TOX: variants seen among roughly 807,000 people sequenced by gnomAD.
The protein encoded by TOX is thymocyte selection-associated high mobility group box protein TOX.
Under a neutral mutation model 53.7 loss-of-function variants are expected in TOX, and 11 were observed. The ratio of observed to expected loss-of-function variants is 0.20; its 90% CI spans 0.13 to 0.34. The LOEUF (loss-of-function observed/expected upper bound fraction) is 0.34, where lower values mean the gene tolerates loss of function less well. Ranked by LOEUF, TOX falls within the 10% of genes least tolerant of loss-of-function variation. The pLI is 1.00. For synonymous variants in TOX, 225 were observed against 245.3 expected (o/e 0.92, Z 0.77); for missense variants, 570 against 664.6 (o/e 0.86, Z 1.56).
chr8:58,939,433 G>A lies in TOX; in HGVS notation c.280C>T (p.His94Tyr), dbSNP rs1192714618. Residue 94 changes from histidine to tyrosine, a missense_variant, in exon 3 of 9, where the codon CAT (histidine) becomes TAT (tyrosine). Coordinates refer to ENST00000361421, the MANE Select transcript of TOX (RefSeq NM_014729.3). ...VHLNEVESGY[H>Y]SLCHPMNHNG... ...TGGTTCATGGGGTGACACAGAGAATGGTAACCAGACTCAACTTCATTCAGG... is the reference window on the plus strand; with the variant it reads ...TGGTTCATGGGGTGACACAGAGAATAGTAACCAGACTCAACTTCATTCAGG... 2 of 1,614,156 alleles carry A rather than the reference G, an allele frequency of 1.2e-6. No individual in the cohort carries two copies. Among genetic ancestry groups the A allele is most frequent in the Admixed American group, 1.7e-5 (1 of 60,024 alleles).
At chr8:58,965,005 C>A (rs561402427) in intron 1 of TOX, among the ~76,000 whole-genome samples, 1 of 152,002 alleles carries the variant, frequency 6.6e-6, no homozygotes, top group Non-Finnish European at 1.5e-5. Flanking sequence ...GCAATAAAAT[C>A]GTATTTATTA....
At chr8:58,890,317 C>T (rs143669005) in intron 3 of TOX, among the ~76,000 whole-genome samples, 145 of 152,222 alleles carry the variant, frequency 9.5e-4, no homozygotes, top group Middle Eastern at 3.4e-3. Flanking sequence ...ATACACGTTA[C>T]AAGAGCACAC....
chr8:58,967,935 T>C (rs2129179346), intron 1 of TOX, among the ~76,000 whole-genome samples: 1 of 152,346 alleles, frequency 6.6e-6, no homozygotes, highest in Non-Finnish European at 1.5e-5. Context: ...ACTGCAATGC[T>C]ATGCTAATCT....
chr8:59,038,219 T>C (rs910382897), intron 1 of TOX, among the ~76,000 whole-genome samples: 1 of 152,228 alleles, frequency 6.6e-6, no homozygotes, highest in Non-Finnish European at 1.5e-5. Context: ...AGTTAACATA[T>C]CATTTTTCTA....
chr8:58,805,748 A>G lies in TOX; in HGVS notation c.*1999T>C, dbSNP rs951433700. The G allele has an allele frequency of 1.3e-5, 2 of 152,662 alleles. No individual in the cohort carries two copies. Among genetic ancestry groups the G allele is most frequent in the Admixed American group, 6.5e-5 (1 of 15,282 alleles). 9.5% of individuals were successfully genotyped at this position (152,662 alleles called of 1,614,324 possible). On this transcript the variant is annotated 3_prime_UTR_variant, in exon 9 of 9. Transcript: ENST00000361421. ...AGACAAACAATAAACTGTGAACTTA[A>G]TCACATGAGTTCTTATACAGTTTCA... is the stretch of plus-strand genomic sequence containing the variant.
chr8:58,897,421 GA>G (rs1431625440), intron 3 of TOX, among the ~76,000 whole-genome samples: 1 of 152,164 alleles, frequency 6.6e-6, no homozygotes, highest in African/African-American at 2.4e-5. Flanking sequence ...ACACGTCCAG[GA>G]GGGCATAATC....
rs188805465 is a variant in TOX at position 59,114,336 on chromosome 8, T to C, written c.102+4550A>G. On this transcript the variant is annotated intron_variant, in intron 1 of 8. Coordinates refer to ENST00000361421, the MANE Select transcript of TOX (RefSeq NM_014729.3). ...CAGATCCCTCTATAGCTCATACTTA[T>C]AACTTTGTTTGCATAGACATTTAAA... 4.1e-3 allele frequency among the ~76,000 whole-genome samples: 621 copies of C among 152,348 alleles called. 3 individuals are homozygous for C. Among genetic ancestry groups the C allele is most frequent in the Non-Finnish European group, 6.6e-3 (448 of 68,042 alleles).
chr8:59,065,717 GA>G (rs912527039), intron 1 of TOX, among the ~76,000 whole-genome samples: 25 of 151,814 alleles, frequency 1.6e-4, no homozygotes, highest in Admixed American at 4.6e-4. Context: ...GATGACAGAA[GA>G]AAAAAAGAGA....
chr8:59,106,632 A>G (rs1025506633), intron 1 of TOX, among the ~76,000 whole-genome samples: 8 of 152,314 alleles, frequency 5.3e-5, no homozygotes, highest in African/African-American at 1.9e-4. Flanking sequence ...TATGGAGCTA[A>G]GCAGAGTCAT....
intron 1 of TOX, among the ~76,000 whole-genome samples, chr8:59,104,954 G>A (rs1367472188): frequency 6.6e-6 from 1 of 152,152 alleles, no homozygotes; most frequent in African/African-American, 2.4e-5. Flanking sequence ...TTAGCCATAT[G>A]GAGGGAGGGT....
At chr8:58,846,754 T>G (rs1419272543) in intron 4 of TOX, among the ~76,000 whole-genome samples, 1 of 152,108 alleles carries the variant, frequency 6.6e-6, no homozygotes, top group East Asian at 1.9e-4. Flanking sequence ...CTCGTGTGAA[T>G]TTGAGTTAAG....
chr8:59,053,098 T>C (rs1803822582), intron 1 of TOX, among the ~76,000 whole-genome samples: 1 of 152,180 alleles, frequency 6.6e-6, no homozygotes, highest in African/African-American at 2.4e-5. Flanking sequence ...AAATCATATA[T>C]ACAATCAAAC....
At chr8:59,106,542 C>G (rs1166744626) in intron 1 of TOX, among the ~76,000 whole-genome samples, 1 of 152,132 alleles carries the variant, frequency 6.6e-6, no homozygotes, top group African/African-American at 2.4e-5. Flanking sequence ...TAACAAATGA[C>G]TTCAGTACAC....
intron 5 of TOX, among the ~76,000 whole-genome samples, chr8:58,831,436 T>C (rs1810452680): frequency 6.6e-6 from 1 of 152,210 alleles, no homozygotes; most frequent in Admixed American, 6.5e-5. Flanking sequence ...CTCTATATAT[T>C]ACCTCTAATT....
At position 58,986,623 on chromosome 8, in the gene TOX, G is replaced by A. The variant is rs368190497; in HGVS notation, c.103-26615C>T. On this transcript the variant is annotated intron_variant, in intron 1 of 8. Transcript: ENST00000361421. ...TTTAGGAATACAAAGTAAAAGCAAT[G>A]TCACGTATTGTGCTCCAGCAGGTAA... Among the ~76,000 whole-genome samples the A allele has an allele frequency of 3.4e-4, 52 of 152,300 alleles. No homozygotes were observed. In the South Asian group the frequency reaches 0.01, roughly 30 times the overall value.
chr8:59,109,962 C>T (rs1284619140), intron 1 of TOX, among the ~76,000 whole-genome samples: 1 of 152,120 alleles, frequency 6.6e-6, no homozygotes, highest in Admixed American at 6.6e-5. Flanking sequence ...AGAAAACCTG[C>T]TTTGGGATTT....
Position 59,029,784 on chromosome 8 carries a change from C to T in TOX, c.103-69776G>A, listed in dbSNP as rs545955628. ...GGTATTTCAGCCATTGTGCTCACTG[C>T]TAAAGCACTGTGCCAACTCATCTTC... On this transcript the variant is annotated intron_variant, in intron 1 of 8. Transcript: ENST00000361421. Among the ~76,000 whole-genome samples the T allele has an allele frequency of 1.5e-4, 23 of 152,300 alleles. 1 individual carries two copies. In the South Asian group the frequency reaches 3.9e-3, roughly 26 times the overall value.
At chr8:59,104,975 T>C (rs1804873706) in intron 1 of TOX, among the ~76,000 whole-genome samples, 1 of 152,210 alleles carries the variant, frequency 6.6e-6, no homozygotes, top group South Asian at 2.1e-4. Context: ...TCACGACTTA[T>C]TCATCTCTGT....
intron 1 of TOX, among the ~76,000 whole-genome samples, chr8:59,061,571 A>G (rs889137287): frequency 1.3e-5 from 2 of 151,854 alleles, no homozygotes; most frequent in South Asian, 4.2e-4. Context: ...CTTTTCCCCC[A>G]CCCCATAGTC....
Sources: allele counts gnomAD v4.1 joint callset (sites outside exome capture counted in the v4.1 genomes callset), GRCh38; gene constraint gnomAD v4.1.1; transcripts MANE v1.5; gene names NCBI Gene and HGNC (gene_info 2026-07-23, HGNC 2026-07-21).